METTL6: variants seen among roughly 807,000 people sequenced by gnomAD.
The protein encoded by METTL6 is methyltransferase 6, tRNA N3-cytidine.
METTL6 carries 22 observed loss-of-function variants against 26.4 expected under a neutral mutation model. The ratio of observed to expected loss-of-function variants is 0.83; its 90% CI spans 0.59 to 1.19. METTL6 has a LOEUF of 1.19. Ranked by LOEUF, METTL6 falls within the 50% of genes most tolerant of loss-of-function variation. The pLI is 0.00. For missense variants in METTL6, 304 were observed against 324.8 expected (o/e 0.94, Z 0.49); for synonymous variants, 109 against 116.2 (o/e 0.94, Z 0.40).
intron 6 of METTL6, among the ~76,000 whole-genome samples, chr3:15,396,028 T>C (rs1178832614): frequency 2.6e-5 from 4 of 152,146 alleles, no homozygotes; most frequent in African/African-American, 9.7e-5. Flanking sequence ...TTTCCTGAAT[T>C]TGAATGTTGG....
At chr3:15,407,371 T>C (rs1336378481), downstream of METTL6, among the ~76,000 whole-genome samples, 1 of 152,018 alleles carries the variant, frequency 6.6e-6, no homozygotes, top group African/African-American at 2.4e-5. Flanking sequence ...TTTATGGGGG[T>C]TAGAATTTGG....
At chr3:15,396,634 G>T (rs1479671984) in intron 6 of METTL6, among the ~76,000 whole-genome samples, 2 of 152,076 alleles carry the variant, frequency 1.3e-5, no homozygotes, top group Non-Finnish European at 2.9e-5. Context: ...TCTACCTTTG[G>T]TCTTTGATGA....
chr3:15,397,152 G>A (rs576317178), intron 6 of METTL6, among the ~76,000 whole-genome samples: 6 of 152,302 alleles, frequency 3.9e-5, no homozygotes, highest in East Asian at 1.9e-4. Context: ...CTTCCCAACC[G>A]CTTTGTTTAC....
At chr3:15,392,019 T>C (rs1699363317) in intron 6 of METTL6, among the ~76,000 whole-genome samples, 1 of 152,212 alleles carries the variant, frequency 6.6e-6, no homozygotes, top group Non-Finnish European at 1.5e-5. Flanking sequence ...TACCCAGTAA[T>C]GGGATGGCTG....
At chr3:15,422,368 C>A (rs1201214180) in intron 3 of METTL6, among the ~76,000 whole-genome samples, 3 of 151,844 alleles carry the variant, frequency 2.0e-5, no homozygotes, top group Non-Finnish European at 4.4e-5. Context: ...GTGGCTGATG[C>A]CTGTAATCCC....
downstream of METTL6, among the ~76,000 whole-genome samples, chr3:15,406,558 C>A (rs1197854927): frequency 7.3e-6 from 1 of 136,462 alleles, no homozygotes; most frequent in Non-Finnish European, 1.5e-5. Flanking sequence ...CAACCCTGAC[C>A]CAGCCATGAA....
chr3:15,400,583 G>C (rs186482328), intron 6 of METTL6, among the ~76,000 whole-genome samples: 67 of 152,254 alleles, frequency 4.4e-4, no homozygotes, highest in Admixed American at 2.0e-3. Flanking sequence ...AATCTCACAG[G>C]TTGAAATAGC....
chr3:15,426,930 G>A (rs529769796), intron 1 of METTL6, among the ~76,000 whole-genome samples: 2 of 152,302 alleles, frequency 1.3e-5, no homozygotes, highest in Admixed American at 6.5e-5. Flanking sequence ...GAAACCTTGC[G>A]AAGAAAATAT....
At position 15,402,673 on chromosome 3, in the gene METTL6, G is replaced by A. The variant is rs1052590908; in HGVS notation, c.*11+8572C>T. On this transcript the variant is annotated intron_variant, in intron 6 of 6. Coordinates refer to the METTL6 transcript ENST00000443029. ...CACTTGAACCGAGGAGGCGGAGGTT[G>A]CAGTGAGCCGAGATGGGGTGCCACT... 2.7e-5 allele frequency among the ~76,000 whole-genome samples: 4 copies of A among 150,126 alleles called. No homozygotes were observed. In the East Asian group the frequency reaches 7.9e-4, roughly 30 times the overall value.
At chr3:15,420,573 A>C (rs1169727952) in intron 3 of METTL6, among the ~76,000 whole-genome samples, 1 of 152,212 alleles carries the variant, frequency 6.6e-6, no homozygotes, top group Non-Finnish European at 1.5e-5. Flanking sequence ...CTTTATACCA[A>C]TGTGTTTACA....
downstream of METTL6, among the ~76,000 whole-genome samples, chr3:15,408,261 C>T (rs900640478): frequency 3.9e-5 from 6 of 152,020 alleles, no homozygotes; most frequent in African/African-American, 1.5e-4. Context: ...TCATGCTGGA[C>T]GCGTCATACA....
At chr3:15,426,686 C>T in intron 1 of METTL6, 51 bp from the exon 2 acceptor site, 2 of 625,076 alleles carry the variant, frequency 3.2e-6, no homozygotes, top group East Asian at 2.7e-5. Flanking sequence ...GTTCAAGACG[C>T]CAGGTTCAAT....
At chr3:15,417,858 GA>G in intron 3 of METTL6, among the ~76,000 whole-genome samples, 1 of 152,154 alleles carries the variant, frequency 6.6e-6, no homozygotes, top group South Asian at 2.1e-4. Context: ...ATTAGAGAAC[GA>G]CCCCCTCTCC....
chr3:15,402,349 T>C (rs1699670101), intron 6 of METTL6, among the ~76,000 whole-genome samples: 2 of 152,138 alleles, frequency 1.3e-5, no homozygotes, highest in Non-Finnish European at 2.9e-5. Context: ...AGATGAGATC[T>C]TATGGAGTTG....
chr3:15,388,089 T>TTTGTTGTTG (rs71632851), intron 6 of METTL6, among the ~76,000 whole-genome samples: 6 of 150,384 alleles, frequency 4.0e-5, no homozygotes, highest in Non-Finnish European at 7.4e-5. Flanking sequence ...AAATAAGAGT[T>TTTGTTGTTG]TTGTTGTTGT....
intron 6 of METTL6, among the ~76,000 whole-genome samples, chr3:15,395,997 A>C (rs1357010592): frequency 6.6e-6 from 1 of 152,074 alleles, no homozygotes; most frequent in Admixed American, 6.6e-5. Context: ...CTCGAGGAGT[A>C]TCTTTGTGGT....
At chr3:15,399,278 T>G (rs543244351) in intron 6 of METTL6, 10 of 146,702 alleles carry the variant, frequency 6.8e-5, no homozygotes, top group Admixed American at 2.1e-4. Flanking sequence ...GAAATAACTA[T>G]AAAAATAGCC....
intron 6 of METTL6, among the ~76,000 whole-genome samples, chr3:15,386,827 C>T (rs1699213562): frequency 6.6e-6 from 1 of 151,718 alleles, no homozygotes; most frequent in African/African-American, 2.4e-5. Context: ...GAGTTTCACT[C>T]TTGTCACTCA....
chr3:15,407,222 G>A (rs1214112864), downstream of METTL6, among the ~76,000 whole-genome samples: 1 of 152,038 alleles, frequency 6.6e-6, no homozygotes, highest in Non-Finnish European at 1.5e-5. Context: ...GTTTTAACAT[G>A]TTGGCCAGGC....
Sources: gnomAD v4.1 joint callset for allele counts (sites outside exome capture counted in the v4.1 genomes callset) on GRCh38, gnomAD v4.1.1 for gene constraint, MANE v1.5 for transcripts, NCBI Gene and HGNC (gene_info 2026-07-23, HGNC 2026-07-21) for gene names.